RELN: variants seen among roughly 807,000 people sequenced by gnomAD.
The protein encoded by RELN is reelin.
RELN carries 108 observed loss-of-function variants against 427.6 expected under a neutral mutation model. The ratio of observed to expected loss-of-function variants is 0.25; its 90% CI spans 0.22 to 0.30. The LOEUF (loss-of-function observed/expected upper bound fraction) is 0.30. Among genes scored for constraint, RELN ranks in the 10% least tolerant of loss-of-function variants. The probability of loss-of-function intolerance (pLI) is 1.00; values close to 1 mark genes in which losing one functional copy is unlikely to be tolerated. For missense variants in RELN, 3,715 were observed against 4,302.8 expected (o/e 0.86, Z 3.82); for synonymous variants, 1,524 against 1,513.4 (o/e 1.01, Z -0.16).
rs143982262 is a variant in RELN at position 103,917,883 on chromosome 7, T to C, written c.227-698A>G. Among the ~76,000 whole-genome samples the C allele has an allele frequency of 2.5e-4, 38 of 152,282 alleles. 1 individual carries two copies. The East Asian group carries it at 7.0e-3, about 28-fold the overall frequency. ...ACTCAGGCTTGGCTTCTTCAAATTT[T>C]ATCTTGCTCACCACCCTAAAACCTG... is the stretch of plus-strand genomic sequence containing the variant. On this transcript the variant is annotated intron_variant, in intron 1 of 64. Coordinates refer to ENST00000428762, the MANE Select transcript of RELN (RefSeq NM_005045.4).
chr7:103,475,069 T>G (rs1264206232), intron 64 of RELN, among the ~76,000 whole-genome samples: 1 of 152,188 alleles, frequency 6.6e-6, no homozygotes, highest in Non-Finnish European at 1.5e-5. Flanking sequence ...ATTCTGCCCT[T>G]TATTTTTCTA....
At chr7:103,945,520 C>T (rs1215818233) in intron 1 of RELN, among the ~76,000 whole-genome samples, 1 of 152,146 alleles carries the variant, frequency 6.6e-6, no homozygotes, top group East Asian at 1.9e-4. Flanking sequence ...GCAAAGAATG[C>T]TCTTCCTTCT....
chr7:103,500,663 A>C (rs1376479206), intron 53 of RELN, 82 bp downstream of exon 53: 1 of 1,397,944 alleles, frequency 7.2e-7, no homozygotes. Flanking sequence ...ACATTGTTAT[A>C]GATTATGTCT....
chr7:103,777,047 T>C (rs749358000), intron 3 of RELN, among the ~76,000 whole-genome samples: 2 of 152,206 alleles, frequency 1.3e-5, no homozygotes, highest in African/African-American at 4.8e-5. Flanking sequence ...CCGTAACTTA[T>C]AGAGTTGAGA....
intron 2 of RELN, among the ~76,000 whole-genome samples, chr7:103,909,744 A>ATATATATTAAAAATAT (rs1563084961): frequency 1.3e-5 from 1 of 76,692 alleles, no homozygotes; most frequent in Non-Finnish European, 2.1e-5. Flanking sequence ...AATATATATA[A>ATATATATTAAAAATAT]ATATATATAT....
intron 10 of RELN, among the ~76,000 whole-genome samples, chr7:103,688,052 T>A (rs373765158): frequency 6.6e-6 from 1 of 152,052 alleles, no homozygotes. Flanking sequence ...TTCTACAATA[T>A]CTTATACCCA....
Position 103,495,742 on chromosome 7 carries a change from C to A in RELN, c.9350G>T (p.Gly3117Val), listed in dbSNP as rs376611357. The A allele has an allele frequency of 6.2e-7, 1 of 1,613,966 alleles. No homozygotes were observed. Among genetic ancestry groups the A allele is most frequent in the South Asian group, 1.1e-5 (1 of 91,076 alleles). ...LSSRELIIQP[G>V]YMMQFKIVVG... Reference sequence around the variant, plus strand: ...CCTTACTTTAAACTGCATCATGTATCCTGGCTGTATAATGAGTTCTCGGGA... The same window carrying A: ...CCTTACTTTAAACTGCATCATGTATACTGGCTGTATAATGAGTTCTCGGGA... Residue 3117 changes from glycine to valine, a missense_variant, in exon 57 of 65, where the codon GGA becomes GTA. Transcript: ENST00000428762.
intron 9 of RELN, among the ~76,000 whole-genome samples, chr7:103,698,723 T>C (rs10240733): frequency 0.23 from 34,373 of 151,886 alleles, 4,996 homozygotes; most frequent in African/African-American, 0.41. Context: ...CTATGTTGCC[T>C]GGGCTGGTCT....
intron 3 of RELN, among the ~76,000 whole-genome samples, chr7:103,813,020 G>T (rs539819782): frequency 1.3e-5 from 2 of 152,122 alleles, no homozygotes; most frequent in East Asian, 3.9e-4. Flanking sequence ...TTCTTCATCG[G>T]TTTTTTGCAA....
At chr7:103,882,929 C>T (rs755001478) in intron 2 of RELN, among the ~76,000 whole-genome samples, 1 of 152,204 alleles carries the variant, frequency 6.6e-6, no homozygotes, top group African/African-American at 2.4e-5. Flanking sequence ...CTCCCTAACT[C>T]ACTTTATGAG....
intron 3 of RELN, among the ~76,000 whole-genome samples, chr7:103,787,842 G>A (rs1792058252): frequency 6.6e-6 from 1 of 152,142 alleles, no homozygotes; most frequent in South Asian, 2.1e-4. Context: ...TATGAGGCCA[G>A]CATCATCCTA....
chr7:103,892,864 TA>T (rs1304368156), intron 2 of RELN, among the ~76,000 whole-genome samples: 1 of 152,174 alleles, frequency 6.6e-6, no homozygotes, highest in East Asian at 1.9e-4. Context: ...TTTCAGAATA[TA>T]CCTATGATCA....
In RELN at chr7:103,906,540, TC is replaced by T. The variant is rs544874447; in HGVS notation, c.337+10534del. 3.9e-5 allele frequency among the ~76,000 whole-genome samples: 6 copies of T among 152,178 alleles called. No individual in the cohort carries two copies. The South Asian group carries it at 1.2e-3, about 32-fold the overall frequency. On this transcript the variant is annotated intron_variant, in intron 2 of 64. Transcript: ENST00000428762. Reference sequence around the variant, plus strand: ...TACCTCAGGCAGCATTCTGACTCTCTCTCTCTCCTCCTCTCTCTGCTCATGA... The same window carrying T: ...TACCTCAGGCAGCATTCTGACTCTCTTCTCTCCTCCTCTCTCTGCTCATGA...
At chr7:103,668,692 T>C (rs935038256) in intron 11 of RELN, among the ~76,000 whole-genome samples, 11 of 152,228 alleles carry the variant, frequency 7.2e-5, no homozygotes, top group African/African-American at 2.7e-4. Flanking sequence ...ATAGTAACTT[T>C]TTGAAACAGC....
chr7:103,914,931 A>G (rs1795451782), intron 2 of RELN, among the ~76,000 whole-genome samples: 2 of 152,104 alleles, frequency 1.3e-5, no homozygotes, highest in Non-Finnish European at 2.9e-5. Context: ...CCTCAGAGTG[A>G]TCTCTTTAAA....
At chr7:103,891,607 A>C (rs553925777) in intron 2 of RELN, among the ~76,000 whole-genome samples, 39 of 152,270 alleles carry the variant, frequency 2.6e-4, no homozygotes, top group African/African-American at 8.9e-4. Context: ...TTCAAAGGAC[A>C]TGCTGGGCCT....
intron 45 of RELN, among the ~76,000 whole-genome samples, chr7:103,537,779 C>G (rs1830087270): frequency 6.6e-6 from 1 of 152,156 alleles, no homozygotes; most frequent in Non-Finnish European, 1.5e-5. Flanking sequence ...TAGGAGAACC[C>G]CACGTCAGCT....
rs536527563 is a variant in RELN, at chr7:103,488,327, C to T, written c.9763+1415G>A. Among the ~76,000 whole-genome samples, 45 of 152,236 alleles carry T rather than the reference C, an allele frequency of 3.0e-4. 1 individual carries two copies. The highest frequency in any genetic ancestry group is 5.0e-4 in the Non-Finnish European group (34 of 68,018). On this transcript the variant is annotated intron_variant, in intron 60 of 64. Transcript: ENST00000428762. ...AAACAGTACATTTTTTCTACATGTC[C>T]TTAATAGTTTCAAATTAAGGTTCAG...
At chr7:103,589,552 T>C in intron 28 of RELN, 44 bp downstream of exon 28, 1 of 1,281,558 alleles carries the variant, frequency 7.8e-7, no homozygotes, top group Non-Finnish European at 1.1e-6. Flanking sequence ...TTTGGGACTG[T>C]GTCTTTCTTA....
Sources: allele counts gnomAD v4.1 joint callset (sites outside exome capture counted in the v4.1 genomes callset), GRCh38; gene constraint gnomAD v4.1.1; transcripts MANE v1.5; gene names NCBI Gene and HGNC (gene_info 2026-07-23, HGNC 2026-07-21).